INPP5J: variants seen among roughly 807,000 people sequenced by gnomAD.
The protein encoded by INPP5J is inositol polyphosphate-5-phosphatase J.
In INPP5J, 75 loss-of-function variants were observed where a neutral mutation model predicts 86.6. That is an observed-to-expected ratio of 0.87 (90% CI 0.72 to 1.05). The LOEUF is 1.05. Among genes scored for constraint, INPP5J ranks in the 50% least tolerant of loss-of-function variants. INPP5J has a pLI of 0.00. For synonymous variants in INPP5J, 540 were observed against 550.0 expected (o/e 0.98, Z 0.25); for missense variants, 1,229 against 1,341.2 (o/e 0.92, Z 1.31).
intron 6 of INPP5J, 112 bp from the exon 7 acceptor site, chr22:31,127,839 A>G: frequency 1.4e-6 from 1 of 714,798 alleles, no homozygotes; most frequent in Non-Finnish European, 2.5e-6. Context: ...CACTCACTAC[A>G]TCCCCTCGGG....
chr22:31,134,464 A>C lies in INPP5J; in HGVS notation c.*45A>C. The C allele has an allele frequency of 1.4e-6, 2 of 1,423,080 alleles. No homozygotes were observed. The highest frequency in any genetic ancestry group is 1.8e-6 in the Non-Finnish European group (2 of 1,088,770). 88.2% of individuals were successfully genotyped at this position (1,423,080 alleles called of 1,614,324 possible). A position where few individuals can be genotyped will look rare whatever the true frequency, so the allele number is the denominator to read the frequency against. On this transcript the variant is annotated 3_prime_UTR_variant, in exon 13 of 13. Transcript: ENST00000331075. ...GCCAAGGTGACCACCATTCTGCCTC[A>C]ATCTTTTGCAAGCCCACCTGCCTCT...
chr22:31,122,839 G>A, upstream of INPP5J: 1 of 500,956 alleles, frequency 2.0e-6, no homozygotes, highest in Non-Finnish European at 3.5e-6. Flanking sequence ...TCAGCAGCCA[G>A]TTTGAAGGAT....
chr22:31,128,696 C>T (rs1027033397), intron 9 of INPP5J, 42 bp downstream of exon 9: 1 of 1,515,276 alleles, frequency 6.6e-7, no homozygotes, highest in Admixed American at 2.0e-5. Context: ...ATCCCCAGGC[C>T]CAACTCGGCA....
chr22:31,129,901 G>A (rs1921913186), intron 9 of INPP5J, among the ~76,000 whole-genome samples: 1 of 152,064 alleles, frequency 6.6e-6, no homozygotes, highest in Non-Finnish European at 1.5e-5. Flanking sequence ...AAGGTTTAGA[G>A]TAATTTATCT....
intron 12 of INPP5J, 94 bp downstream of exon 12, chr22:31,133,808 C>T: frequency 1.3e-6 from 2 of 1,585,672 alleles, no homozygotes; most frequent in Non-Finnish European, 1.7e-6. Context: ...AGACAAATAA[C>T]CTGACCTCCC....
In INPP5J at chr22:31,133,727, G is replaced by C; in HGVS notation, c.2514+13G>C. On this transcript the variant is annotated intron_variant, in intron 12 of 12. Coordinates refer to ENST00000331075, the MANE Select transcript of INPP5J (RefSeq NM_001284285.2). ...TGAACCCTTCCAGGTAAGTAGGCCA[G>C]ACTGCTGGGCTGGGGGTGCCTAAAG... The C allele has an allele frequency of 6.2e-7, 1 of 1,605,540 alleles. No individual in the cohort carries two copies. Among genetic ancestry groups the C allele is most frequent in the Non-Finnish European group, 8.5e-7 (1 of 1,173,772 alleles).
Position 31,127,365 on chromosome 22 carries a change from G to C in INPP5J, c.1620G>C (p.Lys540Asn). The change falls in exon 6 of 13, where the codon AAG becomes AAC. Residue 540 changes from lysine (K) to asparagine (N), a missense_variant. Coordinates refer to ENST00000331075, the MANE Select transcript of INPP5J (RefSeq NM_001284285.2). ...RTGLGGYWGN[K>N]GGVSVRLAAF... ...CGACCCTGCCTCCCTAGGGTAACAA[G>C]GGTGGCGTGAGCGTGCGCCTGGCGG... 6.2e-7 allele frequency: 1 copy of C among 1,610,448 alleles called. No individual in the cohort carries two copies.
In INPP5J at chr22:31,128,368, C is replaced by G. The variant is rs746562611; in HGVS notation, c.2009+45C>G. 3.2e-6 allele frequency: 5 copies of G among 1,562,930 alleles called. No homozygotes were observed. In the African/African-American group the frequency reaches 6.8e-5, roughly 21 times the overall value. ...GGACTGAGGGGAAGTGGGCTGAGGT[C>G]TTCTCGAACAGGGAGACTTTGGGAA... On this transcript the variant is annotated intron_variant, in intron 8 of 12. Coordinates refer to ENST00000331075, the MANE Select transcript of INPP5J (RefSeq NM_001284285.2).
At chr22:31,127,643 C>T (rs1921627596) in intron 6 of INPP5J, 111 bp downstream of exon 6, 7 of 1,063,014 alleles carry the variant, frequency 6.6e-6, no homozygotes, top group African/African-American at 1.6e-5. Context: ...GGGTTTAGTG[C>T]CCACCCAAAC....
chr22:31,124,798 A>G (rs921152238), intron 1 of INPP5J, 47 bp from the exon 2 acceptor site: 4 of 1,541,614 alleles, frequency 2.6e-6, no homozygotes, highest in Admixed American at 3.7e-5. Flanking sequence ...TTGGGGCCCA[A>G]TGCCCTGGTT....
At chr22:31,127,651 A>G (rs2147876139) in intron 6 of INPP5J, 119 bp downstream of exon 6, 2 of 1,013,934 alleles carry the variant, frequency 2.0e-6, no homozygotes, top group Non-Finnish European at 2.9e-6. Context: ...TGCCCACCCA[A>G]ACTAGTTGTA....
chr22:31,126,514 C>A, intron 3 of INPP5J, 25 bp downstream of exon 3: 1 of 1,607,550 alleles, frequency 6.2e-7, no homozygotes, highest in Middle Eastern at 1.7e-4. Flanking sequence ...CATGTGGACC[C>A]CCTCCTGAGC....
chr22:31,126,088 C>A, intron 2 of INPP5J, 78 bp downstream of exon 2: 2 of 1,301,554 alleles, frequency 1.5e-6, no homozygotes, highest in Non-Finnish European at 2.1e-6. Flanking sequence ...GGATGGTGTG[C>A]TCTACCTCAG....
intron 6 of INPP5J, 33 bp from the exon 7 acceptor site, chr22:31,127,918 C>A: frequency 8.0e-7 from 1 of 1,248,528 alleles, no homozygotes; most frequent in South Asian, 1.2e-5. Flanking sequence ...CCCCACTGCC[C>A]CCCACATCTC....
intron 2 of INPP5J, 142 bp from the exon 3 acceptor site, chr22:31,126,234 G>C: frequency 2.5e-6 from 2 of 810,052 alleles, no homozygotes; most frequent in Non-Finnish European, 1.9e-6. Context: ...CAGAGGGACA[G>C]GATTCGGGGC....
chr22:31,131,101 C>A (rs1922026948), intron 9 of INPP5J, among the ~76,000 whole-genome samples: 1 of 152,188 alleles, frequency 6.6e-6, no homozygotes, highest in Admixed American at 6.5e-5. Flanking sequence ...GGACATTGGC[C>A]AATATCTTTA....
Position 31,128,544 on chromosome 22 carries a change from C to T in INPP5J, c.2083C>T (p.Pro695Ser), listed in dbSNP as rs745466849. 2.5e-6 allele frequency: 4 copies of T among 1,613,338 alleles called. No homozygotes were observed. The highest frequency in any genetic ancestry group is 1.1e-5 in the South Asian group (1 of 91,084). The change falls in exon 9 of 13, where the codon CCC (proline) becomes TCC (serine). Residue 695 changes from proline (P) to serine (S), a missense_variant. Coordinates refer to ENST00000331075, the MANE Select transcript of INPP5J (RefSeq NM_001284285.2). Reference sequence around the variant, plus strand: ...CAAGGCTCCAGGTGGGGGTCCCAGCCCCTCAGGACGGAAGAGCCACCGACT... The same window carrying T: ...CAAGGCTCCAGGTGGGGGTCCCAGCTCCTCAGGACGGAAGAGCCACCGACT... ...KVKAPGGGPS[P>S]SGRKSHRLQV...
chr22:31,125,695 C>A lies in INPP5J; in HGVS notation c.956C>A (p.Ser319Tyr). ...GQGPSEPGTH[S>Y]PGLLSPTFRP... is the part of the protein sequence containing the mutation. Reference sequence around the variant, plus strand: ...GGTCCTTCAGAGCCTGGCACTCACTCCCCTGGACTTCTGTCCCCCACCTTC... The same window carrying A: ...GGTCCTTCAGAGCCTGGCACTCACTACCCTGGACTTCTGTCCCCCACCTTC... The change falls in exon 2 of 13, where the codon TCC becomes TAC. Residue 319 changes from serine (S) to tyrosine (Y), a missense_variant. Ser to Tyr is a moderately radical substitution (Grantham distance 144). Coordinates refer to ENST00000331075, the MANE Select transcript of INPP5J (RefSeq NM_001284285.2). 5 of 1,551,052 alleles carry A rather than the reference C, an allele frequency of 3.2e-6. No homozygotes were observed. The highest frequency in any genetic ancestry group is 4.4e-6 in the Non-Finnish European group (5 of 1,146,940).
At chr22:31,128,949 T>C (rs1220359670) in intron 9 of INPP5J, among the ~76,000 whole-genome samples, 2 of 146,378 alleles carry the variant, frequency 1.4e-5, no homozygotes, top group African/African-American at 2.5e-5. Flanking sequence ...TTTTTTTTTT[T>C]TGAGACAGAG....
Sources: allele counts gnomAD v4.1 joint callset (sites outside exome capture counted in the v4.1 genomes callset), GRCh38; gene constraint gnomAD v4.1.1; transcripts MANE v1.5; gene names NCBI Gene and HGNC (gene_info 2026-07-23, HGNC 2026-07-21).